ST6GALNAC3: variants seen among roughly 807,000 people sequenced by gnomAD.
The protein encoded by ST6GALNAC3 is alpha-N-acetylgalactosaminide alpha-2,6-sialyltransferase 3.
In ST6GALNAC3, 25 loss-of-function variants were observed where a neutral mutation model predicts 32.7. That is an observed-to-expected ratio of 0.76 (90% CI 0.56 to 1.07). The LOEUF (loss-of-function observed/expected upper bound fraction) is 1.07. ST6GALNAC3 is among the 50% of genes least tolerant of loss of function. The pLI is 0.00. For synonymous variants in ST6GALNAC3, 129 were observed against 133.1 expected, an observed-to-expected ratio of 0.97 and a Z score of 0.21; for missense variants, 355 against 382.4, an observed-to-expected ratio of 0.93 and a Z score of 0.60.
intron 1 of ST6GALNAC3, among the ~76,000 whole-genome samples, chr1:76,129,348 G>T (rs964971324): frequency 2.0e-5 from 3 of 152,106 alleles, no homozygotes; most frequent in African/African-American, 7.2e-5. Flanking sequence ...AGGAGTGGTT[G>T]GGTACACAGA....
At chr1:76,353,371 A>C (rs1265496607) in intron 2 of ST6GALNAC3, among the ~76,000 whole-genome samples, 2 of 151,956 alleles carry the variant, frequency 1.3e-5, no homozygotes, top group Non-Finnish European at 2.9e-5. Context: ...ACCATAACTA[A>C]TGTCAGCTCC....
chr1:76,542,566 A>C (rs1242904590), intron 3 of ST6GALNAC3, among the ~76,000 whole-genome samples: 1 of 152,128 alleles, frequency 6.6e-6, no homozygotes, highest in Non-Finnish European at 1.5e-5. Context: ...TCAGATATGC[A>C]CACACACTTG....
chr1:76,542,299 T>C (rs1048038087), intron 3 of ST6GALNAC3, among the ~76,000 whole-genome samples: 3 of 152,078 alleles, frequency 2.0e-5, no homozygotes, highest in Admixed American at 2.0e-4. Flanking sequence ...AGTTTTAGAG[T>C]CAAACTGATT....
At chr1:76,457,703 C>G (rs1390173694) in intron 3 of ST6GALNAC3, among the ~76,000 whole-genome samples, 1 of 152,060 alleles carries the variant, frequency 6.6e-6, no homozygotes, top group African/African-American at 2.4e-5. Context: ...GAAACTGGAT[C>G]CCTTCCTTAC....
chr1:76,098,170 T>C (rs1647165979), intron 1 of ST6GALNAC3, among the ~76,000 whole-genome samples: 1 of 152,212 alleles, frequency 6.6e-6, no homozygotes, highest in Non-Finnish European at 1.5e-5. Context: ...ACCATACATA[T>C]TCACTTGCGT....
At chr1:76,437,504 GAA>G (rs1243975063) in intron 3 of ST6GALNAC3, among the ~76,000 whole-genome samples, 2 of 151,248 alleles carry the variant, frequency 1.3e-5, no homozygotes, top group Non-Finnish European at 2.9e-5. Flanking sequence ...GGTGCCCAAT[GAA>G]GTCTTTTTTT....
chr1:76,580,622 C>CT (rs1646878948), intron 3 of ST6GALNAC3, among the ~76,000 whole-genome samples: 2 of 152,104 alleles, frequency 1.3e-5, no homozygotes. Context: ...TTGCTGTACT[C>CT]TTTTTGTGTC....
At chr1:76,139,611 A>G (rs1246252096) in intron 1 of ST6GALNAC3, among the ~76,000 whole-genome samples, 30 of 152,208 alleles carry the variant, frequency 2.0e-4, no homozygotes, top group Non-Finnish European at 7.4e-5. Flanking sequence ...AGAGAGGGAG[A>G]GATATGAAAG....
chr1:76,621,139 A>G (rs952263371), intron 3 of ST6GALNAC3, among the ~76,000 whole-genome samples: 1 of 152,012 alleles, frequency 6.6e-6, no homozygotes, highest in South Asian at 2.1e-4. Context: ...GTACAATTTC[A>G]TTGCATTCAT....
intron 2 of ST6GALNAC3, among the ~76,000 whole-genome samples, chr1:76,341,156 A>T (rs998342261): frequency 1.3e-5 from 2 of 151,732 alleles, no homozygotes; most frequent in Non-Finnish European, 2.9e-5. Context: ...CCAAGTAGTG[A>T]ATACAGAACC....
chr1:76,480,587 A>G (rs937392631), intron 3 of ST6GALNAC3, among the ~76,000 whole-genome samples: 8 of 152,106 alleles, frequency 5.3e-5, no homozygotes, highest in South Asian at 4.1e-4. Flanking sequence ...ATCATCCTTA[A>G]TGATCTCCAA....
intron 3 of ST6GALNAC3, among the ~76,000 whole-genome samples, chr1:76,546,165 C>T (rs1001659563): frequency 2.0e-5 from 3 of 152,258 alleles, no homozygotes; most frequent in Admixed American, 6.5e-5. Flanking sequence ...GCCTTACATA[C>T]GCTATAGTGA....
intron 2 of ST6GALNAC3, among the ~76,000 whole-genome samples, chr1:76,392,921 A>T (rs561679344): frequency 1.3e-5 from 2 of 152,276 alleles, no homozygotes; most frequent in South Asian, 4.1e-4. Context: ...ATTTCTAGAT[A>T]ATGGTCCATT....
chr1:76,450,414 G>C (rs1466441137), intron 3 of ST6GALNAC3, among the ~76,000 whole-genome samples: 1 of 152,000 alleles, frequency 6.6e-6, no homozygotes, highest in Non-Finnish European at 1.5e-5. Context: ...CCCACTTTTT[G>C]ATGAGATTGC....
chr1:76,460,201 G>C (rs1469895210), intron 3 of ST6GALNAC3, among the ~76,000 whole-genome samples: 1 of 152,028 alleles, frequency 6.6e-6, no homozygotes, highest in Non-Finnish European at 1.5e-5. Flanking sequence ...GAATCTCATT[G>C]TGGTTTTTGT....
At chr1:76,382,826 A>G (rs1487464777) in intron 2 of ST6GALNAC3, among the ~76,000 whole-genome samples, 1 of 152,210 alleles carries the variant, frequency 6.6e-6, no homozygotes, top group Non-Finnish European at 1.5e-5. Context: ...AAGAGAAAGA[A>G]TAAGGCAGAA....
At chr1:76,551,821 AC>A (rs1664652248) in intron 3 of ST6GALNAC3, among the ~76,000 whole-genome samples, 1 of 151,678 alleles carries the variant, frequency 6.6e-6, no homozygotes, top group South Asian at 2.1e-4. Flanking sequence ...CTCTCTTCAT[AC>A]CCCTCCCAAC....
At chr1:76,386,439 G>T (rs554880307) in intron 2 of ST6GALNAC3, among the ~76,000 whole-genome samples, 1 of 150,962 alleles carries the variant, frequency 6.6e-6, no homozygotes, top group Non-Finnish European at 1.5e-5. Flanking sequence ...CTATTATTGC[G>T]GTTGCTATTT....
At chr1:76,481,085 G>A (rs1407485334) in intron 3 of ST6GALNAC3, among the ~76,000 whole-genome samples, 1 of 152,058 alleles carries the variant, frequency 6.6e-6, no homozygotes, top group Non-Finnish European at 1.5e-5. Flanking sequence ...TCCCTTCTGA[G>A]CTTTCTGATC....
Sources: gnomAD v4.1 joint callset for allele counts (sites outside exome capture counted in the v4.1 genomes callset) on GRCh38, gnomAD v4.1.1 for gene constraint, MANE v1.5 for transcripts, NCBI Gene and HGNC (gene_info 2026-07-23, HGNC 2026-07-21) for gene names.